Variants in ZNF148 observed in about 807,000 individuals in gnomAD.
ZNF148 encodes zinc finger protein 148.
In ZNF148, 7 loss-of-function variants were observed where a neutral mutation model predicts 67.7. The ratio of observed to expected loss-of-function variants is 0.10; its 90% CI spans 0.06 to 0.19. The LOEUF is 0.19. ZNF148 is among the 10% of genes least tolerant of loss of function. The pLI, the probability that ZNF148 is intolerant of heterozygous loss-of-function variation, is 1.00. For synonymous variants in ZNF148, 333 were observed against 330.7 expected, an observed-to-expected ratio of 1.01 and a Z score of -0.08; for missense variants, 583 against 947.1, an observed-to-expected ratio of 0.62 and a Z score of 5.05.
chr3:125,273,316 G>A (rs560983229), intron 7 of ZNF148, among the ~76,000 whole-genome samples: 117 of 152,182 alleles, frequency 7.7e-4, no homozygotes, highest in African/African-American at 2.7e-3. Context: ...GTGTTTTCAG[G>A]CATGAAGAAC....
Position 125,293,960 on chromosome 3 carries a change from T to C in ZNF148, c.334-5732A>G, listed in dbSNP as rs533434061. Among the ~76,000 whole-genome samples the C allele has an allele frequency of 3.5e-4, 54 of 152,176 alleles. No individual in the cohort carries two copies. In the Middle Eastern group the frequency reaches 0.017, roughly 48 times the overall value. ...CAATTATAAAGAAAAAAACAGTAACTCTACAGTGGGGAAACCTGGCAGATA... is the reference window on the plus strand; with the variant it reads ...CAATTATAAAGAAAAAAACAGTAACCCTACAGTGGGGAAACCTGGCAGATA... On this transcript the variant is annotated intron_variant, in intron 4 of 8. Coordinates refer to ENST00000360647, the MANE Select transcript of ZNF148 (RefSeq NM_021964.3).
intron 1 of ZNF148, among the ~76,000 whole-genome samples, chr3:125,348,244 G>C (rs1256019779): frequency 1.3e-5 from 2 of 151,986 alleles, no homozygotes; most frequent in Non-Finnish European, 2.9e-5. Flanking sequence ...GGGTGACAGA[G>C]CAAGACCTTG....
intron 2 of ZNF148, 69 bp downstream of exon 2, chr3:125,331,089 G>C: frequency 2.5e-6 from 1 of 398,346 alleles, no homozygotes; most frequent in Non-Finnish European, 4.4e-6. Context: ...GTTATTGTAA[G>C]TATGTGTAGT....
chr3:125,351,547 T>C (rs1031617594), intron 1 of ZNF148, among the ~76,000 whole-genome samples: 13 of 152,188 alleles, frequency 8.5e-5, no homozygotes, highest in African/African-American at 2.9e-4. Flanking sequence ...TCTCATATTA[T>C]GTATTTTTTA....
chr3:125,256,236 C>T (rs1937070546), intron 7 of ZNF148, among the ~76,000 whole-genome samples: 1 of 151,822 alleles, frequency 6.6e-6, no homozygotes, highest in Non-Finnish European at 1.5e-5. Flanking sequence ...GGCACGGTGG[C>T]AGGTGCCTGT....
rs140389212 is a variant in ZNF148, at chr3:125,298,241, A to G, written c.334-10013T>C. 7.2e-5 allele frequency among the ~76,000 whole-genome samples: 11 copies of G among 152,250 alleles called. No homozygotes were observed. The East Asian group carries it at 2.1e-3, about 29-fold the overall frequency. On this transcript the variant is annotated intron_variant, in intron 4 of 8. Transcript: ENST00000360647. ...AGCAGTTACACGAGATGTTCACTTC[A>G]GAGAAATTTAATCAAGATGTACTCT...
At chr3:125,291,326 T>C (rs1470572959) in intron 4 of ZNF148, among the ~76,000 whole-genome samples, 1 of 152,174 alleles carries the variant, frequency 6.6e-6, no homozygotes, top group East Asian at 1.9e-4. Flanking sequence ...GGCAACAGAC[T>C]GTTGCCTATA....
At chr3:125,295,548 C>T (rs184101998) in intron 4 of ZNF148, among the ~76,000 whole-genome samples, 1 of 151,716 alleles carries the variant, frequency 6.6e-6, no homozygotes, top group Non-Finnish European at 1.5e-5. Context: ...GCTAGGTGAA[C>T]TTGGCTTCCA....
At chr3:125,247,766 G>A (rs898006029) in intron 7 of ZNF148, among the ~76,000 whole-genome samples, 1 of 152,150 alleles carries the variant, frequency 6.6e-6, no homozygotes, top group Non-Finnish European at 1.5e-5. Context: ...GGCTTCCACA[G>A]ATTAGGTTTT....
chr3:125,338,227 T>G (rs889044976), intron 1 of ZNF148, among the ~76,000 whole-genome samples: 1 of 152,140 alleles, frequency 6.6e-6, no homozygotes, highest in African/African-American at 2.4e-5. Flanking sequence ...TTAGCAATAT[T>G]CTAGGAGTCA....
intron 7 of ZNF148, among the ~76,000 whole-genome samples, chr3:125,249,654 T>C (rs958086962): frequency 6.6e-6 from 1 of 152,178 alleles, no homozygotes; most frequent in African/African-American, 2.4e-5. Flanking sequence ...AACTACCATA[T>C]GATCCAGTAA....
Position 125,331,187 on chromosome 3 carries a change from T to C in ZNF148, c.-182A>G. On this transcript the variant is annotated 5_prime_UTR_variant, in exon 2 of 9. An upstream start codon of the reference 5' UTR is lost. Coordinates refer to ENST00000360647, the MANE Select transcript of ZNF148 (RefSeq NM_021964.3). ...ATTAAATACGTTAGGCAAACGCCCA[T>C]CCCGCCAGATCACGTGCTTGAATTT... 2.5e-6 allele frequency: 1 copy of C among 398,562 alleles called. No homozygotes were observed. The allele number at this position is 398,562 out of a possible 1,614,324, so 24.7% of individuals were successfully genotyped here.
intron 5 of ZNF148, among the ~76,000 whole-genome samples, chr3:125,282,307 A>C (rs1938434563): frequency 6.6e-6 from 1 of 152,168 alleles, no homozygotes; most frequent in South Asian, 2.1e-4. Context: ...TGCCTTAGAG[A>C]TTAGCAGTCT....
chr3:125,250,831 C>T (rs1239141746), intron 7 of ZNF148, among the ~76,000 whole-genome samples: 1 of 150,002 alleles, frequency 6.7e-6, no homozygotes, highest in Non-Finnish European at 1.5e-5. Flanking sequence ...CTTTCTCCTG[C>T]TCCTCTCTGT....
In ZNF148 at chr3:125,279,262, A is replaced by AAAG; in HGVS notation, c.460-16_460-15insCTT. The stretch of plus-strand genomic sequence containing the variant: ...ATTGTAAGGATCTAGTTCAAAAAAA[A>AAAG]AAAGGCAAAAACAAAAGAAATAAGT... On this transcript the variant is annotated splice_polypyrimidine_tract_variant and intron_variant, in intron 5 of 8. Transcript: ENST00000360647. 1 of 1,522,686 alleles carries AAAG rather than the reference A, an allele frequency of 6.6e-7. No individual in the cohort carries two copies. The highest frequency in any genetic ancestry group is 8.8e-7 in the Non-Finnish European group (1 of 1,137,132). The allele number at this position is 1,522,686 out of a possible 1,614,324, so 94.3% of individuals were successfully genotyped here.
intron 4 of ZNF148, among the ~76,000 whole-genome samples, chr3:125,304,503 C>T (rs1475778976): frequency 6.6e-6 from 1 of 152,090 alleles, no homozygotes; most frequent in African/African-American, 2.4e-5. Flanking sequence ...GTAGCAAGTA[C>T]TCCTGTGAGG....
chr3:125,374,677 AAC>A (rs1943003517), intron 1 of ZNF148, among the ~76,000 whole-genome samples: 1 of 151,934 alleles, frequency 6.6e-6, no homozygotes, highest in Admixed American at 6.6e-5. Flanking sequence ...CTCCGGCAGC[AAC>A]AGTGACTGAG....
chr3:125,326,861 G>GAT (rs74560103), intron 2 of ZNF148, among the ~76,000 whole-genome samples: 43,613 of 145,198 alleles, frequency 0.3, 6,842 homozygotes, highest in Middle Eastern at 0.35. Flanking sequence ...TGTATATAAA[G>GAT]ATATATATAT....
Position 125,334,522 on chromosome 3 carries a change from T to C in ZNF148, c.-233-3284A>G, listed in dbSNP as rs542731074. Among the ~76,000 whole-genome samples the C allele has an allele frequency of 8.5e-5, 13 of 152,326 alleles. No homozygotes were observed. In the East Asian group the frequency reaches 2.1e-3, roughly 25 times the overall value. On this transcript the variant is annotated intron_variant, in intron 1 of 8. Transcript: ENST00000360647. ...GTGATCTCTTAATGTTGATTCCACA[T>C]GTAAGAATATATGCAATATGTAAGC... is the stretch of plus-strand genomic sequence containing the variant.
Sources: gnomAD v4.1 joint callset for allele counts (sites outside exome capture counted in the v4.1 genomes callset) on GRCh38, gnomAD v4.1.1 for gene constraint, MANE v1.5 for transcripts, NCBI Gene and HGNC (gene_info 2026-07-23, HGNC 2026-07-21) for gene names.